PRKCB: variants seen among roughly 807,000 people sequenced by gnomAD.
The protein encoded by PRKCB is protein kinase C beta, also known as protein kinase C beta type.
Under a neutral mutation model 81.5 loss-of-function variants are expected in PRKCB, and 13 were observed. The ratio of observed to expected loss-of-function variants is 0.16; its 90% confidence interval spans 0.10 to 0.25. The LOEUF (loss-of-function observed/expected upper bound fraction) is 0.25. Ranked by LOEUF, PRKCB falls within the 10% of genes least tolerant of loss-of-function variation. The probability of loss-of-function intolerance (pLI) is 1.00; values close to 1 mark genes in which losing one functional copy is unlikely to be tolerated. For missense variants in PRKCB, 509 were observed against 875.7 expected, an observed-to-expected ratio of 0.58 and a Z score of 5.29; for synonymous variants, 335 against 321.4, an observed-to-expected ratio of 1.04 and a Z score of -0.45.
At chr16:23,902,774 C>CTTCT (rs1281635369) in intron 2 of PRKCB, among the ~76,000 whole-genome samples, 1 of 79,962 alleles carries the variant, frequency 1.3e-5, no homozygotes, top group Non-Finnish European at 2.3e-5. Context: ...TCCTTCCTTC[C>CTTCT]TTCCTTCCTC....
At chr16:24,162,758 G>T (rs1284873668) in intron 10 of PRKCB, among the ~76,000 whole-genome samples, 1 of 152,104 alleles carries the variant, frequency 6.6e-6, no homozygotes, top group Non-Finnish European at 1.5e-5. Flanking sequence ...CCAGCCTGGA[G>T]AGGATTGTTG....
chr16:24,186,126 T>C (rs1967700838), intron 15 of PRKCB, among the ~76,000 whole-genome samples: 2 of 152,308 alleles, frequency 1.3e-5, no homozygotes, highest in South Asian at 4.1e-4. Flanking sequence ...CGCTTGGACA[T>C]CTACGGTTTA....
chr16:23,960,240 A>G (rs923904558), intron 2 of PRKCB, among the ~76,000 whole-genome samples: 4 of 152,120 alleles, frequency 2.6e-5, no homozygotes, highest in Admixed American at 1.3e-4. Context: ...AAATTTCACA[A>G]AAATACTTTA....
Position 24,182,232 on chromosome 16 carries a change from A to T in PRKCB, c.1533+1304A>T, listed in dbSNP as rs147930107. Among the ~76,000 whole-genome samples the T allele has an allele frequency of 2.9e-3, 436 of 152,190 alleles. No individual in the cohort carries two copies. The Middle Eastern group carries it at 0.031, about 11-fold the overall frequency. On this transcript the variant is annotated intron_variant, in intron 13 of 16. Transcript: ENST00000643927. Reference sequence around the variant, plus strand: ...CGTGAGGGAGCTTTTACAATGTAGGATGCAGCTGGGGCATGGTGGCTCACT... The same window carrying T: ...CGTGAGGGAGCTTTTACAATGTAGGTTGCAGCTGGGGCATGGTGGCTCACT...
At chr16:24,206,294 T>C (rs1237017167) in intron 16 of PRKCB, among the ~76,000 whole-genome samples, 1 of 152,204 alleles carries the variant, frequency 6.6e-6, no homozygotes, top group Non-Finnish European at 1.5e-5. Flanking sequence ...TGTGGGAAAC[T>C]GGAAGGCATA....
chr16:23,890,463 G>A (rs931669254), intron 2 of PRKCB, among the ~76,000 whole-genome samples: 2 of 152,130 alleles, frequency 1.3e-5, no homozygotes, highest in Admixed American at 6.5e-5. Flanking sequence ...TATGAAACAA[G>A]GAGAGACGCT....
intron 2 of PRKCB, among the ~76,000 whole-genome samples, chr16:23,874,095 T>C (rs1962956392): frequency 1.3e-5 from 2 of 152,202 alleles, no homozygotes; most frequent in Non-Finnish European, 2.9e-5. Flanking sequence ...CACGTACACA[T>C]GTATTTACTA....
chr16:23,867,745 A>G (rs1462538222), intron 2 of PRKCB, among the ~76,000 whole-genome samples: 1 of 152,230 alleles, frequency 6.6e-6, no homozygotes, highest in Non-Finnish European at 1.5e-5. Flanking sequence ...ACTGAGGCTC[A>G]GGGTCACAAC....
chr16:24,081,375 A>T (rs2141892766), intron 5 of PRKCB, among the ~76,000 whole-genome samples: 1 of 152,320 alleles, frequency 6.6e-6, no homozygotes, highest in Admixed American at 6.5e-5. Flanking sequence ...ATATTCATTT[A>T]TGATGAAAGT....
intron 3 of PRKCB, among the ~76,000 whole-genome samples, chr16:24,006,814 C>T (rs748578604): frequency 2.8e-5 from 4 of 144,836 alleles, no homozygotes; most frequent in Admixed American, 7.2e-5. Flanking sequence ...AAAGGAGAAT[C>T]GAAGTACTGA....
rs35610012 is a variant in PRKCB, at chr16:23,930,567, TAAA to T, written c.206-57934_206-57932del. Among the ~76,000 whole-genome samples, 500 of 151,766 alleles carry T rather than the reference TAAA, an allele frequency of 3.3e-3. 3 individuals carry two copies. Among genetic ancestry groups the T allele is most frequent in the African/African-American group, 0.011 (449 of 41,376 alleles). ...CTGGGTGAGAGAGTGAGAACCTGTC[TAAA>T]AAAAAATATGAAGTTGCTCTTTTGA... On this transcript the variant is annotated intron_variant, in intron 2 of 16. Coordinates refer to ENST00000643927, the MANE Select transcript of PRKCB (RefSeq NM_002738.7).
At chr16:24,068,493 C>CACA (rs76902081) in intron 5 of PRKCB, among the ~76,000 whole-genome samples, 56 of 143,764 alleles carry the variant, frequency 3.9e-4, no homozygotes, top group African/African-American at 1.4e-3. Flanking sequence ...AAAAAAAAAA[C>CACA]CACACACAGA....
chr16:23,846,761 AG>A (rs1488593441), intron 2 of PRKCB, among the ~76,000 whole-genome samples: 17 of 152,128 alleles, frequency 1.1e-4, no homozygotes, highest in African/African-American at 3.9e-4. Flanking sequence ...TGAACAGAGA[AG>A]GGAAGTTCAG....
At chr16:24,211,856 G>A (rs1431379083) in intron 16 of PRKCB, among the ~76,000 whole-genome samples, 3 of 152,072 alleles carry the variant, frequency 2.0e-5, no homozygotes, top group Non-Finnish European at 1.5e-5. Context: ...CACCGCGCCC[G>A]GCCCCAGACT....
At position 24,162,442 on chromosome 16, in the gene PRKCB, C is replaced by CTTTT. The variant is rs564543744; in HGVS notation, c.1239+7606_1239+7609dup. On this transcript the variant is annotated intron_variant, in intron 10 of 16. Coordinates refer to ENST00000643927, the MANE Select transcript of PRKCB (RefSeq NM_002738.7). ...AATAGCTCCAAAAAAACAGAGAAGA[C>CTTTT]TTTTTTTTTTTTTTTTTTTTTTTTG... Among the ~76,000 whole-genome samples the CTTTT allele has an allele frequency of 9.2e-4, 63 of 68,600 alleles. 1 individual carries two copies. Among genetic ancestry groups the CTTTT allele is most frequent in the Admixed American group, 1.9e-3 (12 of 6,340 alleles). The allele number at this position is 68,600 out of a possible 152,430, so 45.0% of individuals were successfully genotyped here. A position where few individuals can be genotyped will look rare whatever the true frequency, so the allele number is the denominator to read the frequency against.
intron 16 of PRKCB, among the ~76,000 whole-genome samples, chr16:24,194,427 G>A (rs796267625): frequency 4.1e-4 from 62 of 152,064 alleles, no homozygotes; most frequent in African/African-American, 1.4e-3. Flanking sequence ...ACACAGTTTG[G>A]GGCAAATAAA....
At chr16:24,116,125 A>G (rs1966734979) in intron 8 of PRKCB, among the ~76,000 whole-genome samples, 1 of 152,174 alleles carries the variant, frequency 6.6e-6, no homozygotes, top group Non-Finnish European at 1.5e-5. Context: ...AGGGCTCTAA[A>G]TTGCAGACAT....
chr16:23,988,636 T>C (rs374737151), intron 3 of PRKCB, 46 bp downstream of exon 3: 1 of 1,521,094 alleles, frequency 6.6e-7, no homozygotes, highest in African/African-American at 1.4e-5. Flanking sequence ...CAGTCAATGC[T>C]GCCTTGTGAT....
chr16:23,905,109 A>G (rs898284587), intron 2 of PRKCB, among the ~76,000 whole-genome samples: 4 of 145,062 alleles, frequency 2.8e-5, no homozygotes, highest in African/African-American at 1.0e-4. Context: ...TTACTGCTAG[A>G]GTGTGGGATC....
Sources: allele counts gnomAD v4.1 joint callset (sites outside exome capture counted in the v4.1 genomes callset), GRCh38; gene constraint gnomAD v4.1.1; transcripts MANE v1.5; gene names NCBI Gene and HGNC (gene_info 2026-07-23, HGNC 2026-07-21).